Variants in CAMK2A observed in about 807,000 individuals in gnomAD.
The protein encoded by CAMK2A is calcium/calmodulin dependent protein kinase II alpha, also known as calcium/calmodulin-dependent protein kinase type II subunit alpha.
CAMK2A carries 7 observed loss-of-function variants against 79.2 expected under a neutral mutation model. The ratio of observed to expected loss-of-function variants is 0.09; its 90% CI spans 0.05 to 0.17. The LOEUF (loss-of-function observed/expected upper bound fraction) is 0.17. Ranked by LOEUF, CAMK2A falls within the 10% of genes least tolerant of loss-of-function variation. The probability of loss-of-function intolerance (pLI) is 1.00; values close to 1 mark genes in which losing one functional copy is unlikely to be tolerated. For synonymous variants in CAMK2A, 242 were observed against 251.7 expected, an observed-to-expected ratio of 0.96 and a Z score of 0.36; for missense variants, 214 against 646.4, an observed-to-expected ratio of 0.33 and a Z score of 7.25.
At chr5:150,231,525 T>C (rs763479281) in intron 15 of CAMK2A, 145 bp from the exon 16 acceptor site, 1 of 338,724 alleles carries the variant, frequency 3.0e-6, no homozygotes. Flanking sequence ...GAAGACCTCA[T>C]GCAGATGATC....
At chr5:150,269,707 G>A (rs1385364694) in intron 2 of CAMK2A, among the ~76,000 whole-genome samples, 1 of 152,126 alleles carries the variant, frequency 6.6e-6, no homozygotes, top group Non-Finnish European at 1.5e-5. Context: ...ATTCCAGCAG[G>A]AGACACACAA....
chr5:150,224,310 G>C (rs1580892695), intron 17 of CAMK2A, among the ~76,000 whole-genome samples: 1 of 152,188 alleles, frequency 6.6e-6, no homozygotes, highest in East Asian at 1.9e-4. Context: ...CCCGAATATA[G>C]GTCTGAATCA....
rs777247730 is a variant in CAMK2A, at chr5:150,223,076, G to A, written c.1379C>T (p.Ser460Leu). Reference protein sequence around the residue: ...DAGGIPRTAQSEETRVWHRRD... With the variant: ...DAGGIPRTAQLEETRVWHRRD... ...GCGGTGCCAGACACGGGTCTCCTCCGACTGGGCGGTGCGTGGGATGCCGCC... is the reference window on the plus strand; with the variant it reads ...GCGGTGCCAGACACGGGTCTCCTCCAACTGGGCGGTGCGTGGGATGCCGCC... Residue 460 changes from serine (S) to leucine (L), a missense_variant, in exon 18 of 19, where the codon TCG becomes TTG. Coordinates refer to ENST00000671881, the MANE Select transcript of CAMK2A (RefSeq NM_015981.4). This position sits in a 1 kb window ranked among gnomAD's most constrained non-coding sequence, Gnocchi z 4.1. 4.3e-6 allele frequency: 7 copies of A among 1,614,068 alleles called. No individual in the cohort carries two copies. The highest frequency in any genetic ancestry group is 1.7e-5 in the Admixed American group (1 of 60,018).
chr5:150,289,506 A>T, intron 1 of CAMK2A, 58 bp downstream of exon 1: 1 of 1,333,966 alleles, frequency 7.5e-7, no homozygotes, highest in Non-Finnish European at 1.1e-6. Flanking sequence ...ACACCCCACT[A>T]GAGACCCTGA....
intron 3 of CAMK2A, among the ~76,000 whole-genome samples, chr5:150,262,992 T>C (rs1413710407): frequency 6.6e-6 from 1 of 152,176 alleles, no homozygotes; most frequent in Non-Finnish European, 1.5e-5. Context: ...GGCAAGAAGA[T>C]GTCTTCAGGC....
At chr5:150,235,878 G>A (rs891763052) in intron 15 of CAMK2A, among the ~76,000 whole-genome samples, 3 of 152,118 alleles carry the variant, frequency 2.0e-5, no homozygotes, top group African/African-American at 7.2e-5. Flanking sequence ...GGAGAGGCTG[G>A]GGGAGGCACA....
At chr5:150,225,044 GA>G (rs1419858667) in intron 17 of CAMK2A, among the ~76,000 whole-genome samples, 4 of 117,544 alleles carry the variant, frequency 3.4e-5, no homozygotes, top group South Asian at 2.3e-4. Flanking sequence ...TAGGTAGGGA[GA>G]GAGAGAGAGA....
intron 1 of CAMK2A, among the ~76,000 whole-genome samples, chr5:150,279,524 C>T (rs112194815): frequency 1.3e-5 from 2 of 152,216 alleles, no homozygotes; most frequent in Non-Finnish European, 2.9e-5. Flanking sequence ...AGTAAATGCT[C>T]AAGGAACAAT....
chr5:150,250,169 G>A (rs1463374289), intron 11 of CAMK2A, 57 bp downstream of exon 11: 3 of 1,309,678 alleles, frequency 2.3e-6, no homozygotes, highest in East Asian at 4.6e-5. Flanking sequence ...GGCCTCTGTG[G>A]AGACCCAGGC....
chr5:150,236,312 T>A (rs1755056127), intron 15 of CAMK2A, among the ~76,000 whole-genome samples: 1 of 152,208 alleles, frequency 6.6e-6, no homozygotes, highest in South Asian at 2.1e-4. Flanking sequence ...AAAATAATCT[T>A]TGAGTAAAAT....
Position 150,222,355 on chromosome 5 carries a change from GC to G in CAMK2A, c.*354del. On this transcript the variant is annotated 3_prime_UTR_variant, in exon 19 of 19. Coordinates refer to ENST00000671881, the MANE Select transcript of CAMK2A (RefSeq NM_015981.4). ...ATCATGCCACCCCTCCTTCTCCCCAGCCCCTGGTGGGCACCAGCCCGGGCAT... is the reference window on the plus strand; with the variant it reads ...ATCATGCCACCCCTCCTTCTCCCCAGCCCTGGTGGGCACCAGCCCGGGCAT... 1 of 598,232 alleles carries G rather than the reference GC, an allele frequency of 1.7e-6. No homozygotes were observed. The highest frequency in any genetic ancestry group is 3.0e-6 in the Non-Finnish European group (1 of 338,304). The allele number at this position is 598,232 out of a possible 1,614,324, so 37.1% of individuals were successfully genotyped here. A position where few individuals can be genotyped will look rare whatever the true frequency, so the allele number is the denominator to read the frequency against.
At chr5:150,254,677 C>T (rs965534996) in intron 6 of CAMK2A, among the ~76,000 whole-genome samples, 7 of 152,192 alleles carry the variant, frequency 4.6e-5, no homozygotes, top group Non-Finnish European at 4.4e-5. Flanking sequence ...ACTGTGGGCT[C>T]GCTTAGATAG....
At chr5:150,269,146 T>C (rs1380222954) in intron 2 of CAMK2A, among the ~76,000 whole-genome samples, 1 of 152,154 alleles carries the variant, frequency 6.6e-6, no homozygotes, top group Non-Finnish European at 1.5e-5. Context: ...TGAGGGAAGC[T>C]AGAAGTCTTC....
intron 2 of CAMK2A, among the ~76,000 whole-genome samples, chr5:150,270,620 GCAAA>G (rs1344647319): frequency 6.6e-6 from 1 of 151,906 alleles, no homozygotes; most frequent in Non-Finnish European, 1.5e-5. Flanking sequence ...ACCATGAGCG[GCAAA>G]CAAAGAATCC....
At chr5:150,287,063 C>T (rs971163997) in intron 1 of CAMK2A, among the ~76,000 whole-genome samples, 3 of 152,192 alleles carry the variant, frequency 2.0e-5, no homozygotes, top group Non-Finnish European at 2.9e-5. Flanking sequence ...CTAGTGGCTA[C>T]GCAGGGCACT....
At chr5:150,249,143 C>G (rs544219598) in intron 11 of CAMK2A, among the ~76,000 whole-genome samples, 1 of 152,254 alleles carries the variant, frequency 6.6e-6, no homozygotes, top group African/African-American at 2.4e-5. Context: ...TAAGGAGGTT[C>G]CACAAGAGCT....
chr5:150,238,525 G>C (rs950648267), intron 15 of CAMK2A, 175 bp downstream of exon 15: 5 of 681,292 alleles, frequency 7.3e-6, no homozygotes, highest in African/African-American at 5.3e-5. Flanking sequence ...TACCACCCCC[G>C]CCCTCCATGG....
At chr5:150,244,913 C>G (rs1360065580) in intron 13 of CAMK2A, among the ~76,000 whole-genome samples, 3 of 152,138 alleles carry the variant, frequency 2.0e-5, no homozygotes, top group Non-Finnish European at 4.4e-5. Flanking sequence ...TGCCCCCACC[C>G]CAGCACACCT....
At chr5:150,265,721 C>A (rs559294139) in intron 2 of CAMK2A, among the ~76,000 whole-genome samples, 1 of 152,258 alleles carries the variant, frequency 6.6e-6, no homozygotes, top group Non-Finnish European at 1.5e-5. Context: ...GCAAGTGGAT[C>A]ACTTGAGCTC....
Sources: gnomAD v4.1 joint callset for allele counts (sites outside exome capture counted in the v4.1 genomes callset) on GRCh38, gnomAD v4.1.1 for gene constraint, Gnocchi (gnomAD v3.1) non-coding constraint, MANE v1.5 for transcripts, NCBI Gene and HGNC (gene_info 2026-07-23, HGNC 2026-07-21) for gene names.